The following HOOK3 variants were observed in gnomAD, a reference collection of about 807,000 sequenced individuals.
HOOK3 encodes hook microtubule tethering protein 3, also known as protein Hook homolog 3.
HOOK3 carries 24 observed loss-of-function variants against 116.3 expected under a neutral mutation model. The ratio of observed to expected loss-of-function variants is 0.21; its 90% CI spans 0.15 to 0.29. HOOK3 has a LOEUF of 0.29. Ranked by LOEUF, HOOK3 falls within the 10% of genes least tolerant of loss-of-function variation. The pLI, the probability that HOOK3 is intolerant of heterozygous loss-of-function variation, is 1.00. For missense variants in HOOK3, 632 were observed against 830.2 expected, an observed-to-expected ratio of 0.76 and a Z score of 2.93; for synonymous variants, 275 against 283.0, an observed-to-expected ratio of 0.97 and a Z score of 0.28.
rs1210803663 is a variant in HOOK3 at position 42,943,365 on chromosome 8, G to C, written c.320G>C (p.Gly107Ala). 6.4e-7 allele frequency: 1 copy of C among 1,565,684 alleles called. No individual in the cohort carries two copies. Among genetic ancestry groups the C allele is most frequent in the South Asian group, 1.2e-5 (1 of 80,126 alleles). The change falls in exon 5 of 22, where the codon GGG becomes GCG. Residue 107 changes from glycine (G) to alanine (A), a missense_variant. Gly to Ala is a moderately conservative substitution (Grantham distance 60, BLOSUM62 0). Coordinates refer to ENST00000307602, the MANE Select transcript of HOOK3 (RefSeq NM_032410.4). ...DFTLPDVNLIGEHSDAAELGR... is the reference protein window; with the variant it reads ...DFTLPDVNLIAEHSDAAELGR... ...ACCCTTCCTGATGTGAACCTTATTG[G>C]GGAGCATTCTGATGCAGCAGAGCTT... is the stretch of plus-strand genomic sequence containing the variant.
At chr8:42,903,270 C>T (rs762810456) in intron 1 of HOOK3, among the ~76,000 whole-genome samples, 1 of 151,822 alleles carries the variant, frequency 6.6e-6, no homozygotes, top group African/African-American at 2.4e-5. Flanking sequence ...CCACCATAAC[C>T]GTCTCTACCT....
chr8:42,978,235 T>C (rs1246201008), intron 13 of HOOK3, among the ~76,000 whole-genome samples: 1 of 152,200 alleles, frequency 6.6e-6, no homozygotes, highest in South Asian at 2.1e-4. Context: ...CTTAAGAAGA[T>C]ATCAGATAAC....
At chr8:42,937,179 G>A (rs1410014073) in intron 4 of HOOK3, among the ~76,000 whole-genome samples, 1 of 152,102 alleles carries the variant, frequency 6.6e-6, no homozygotes, top group Non-Finnish European at 1.5e-5. Context: ...TTGCATAGAG[G>A]TGTTTACAGT....
chr8:42,901,866 G>A (rs980670741), intron 1 of HOOK3, among the ~76,000 whole-genome samples: 3 of 151,914 alleles, frequency 2.0e-5, no homozygotes, highest in Admixed American at 6.6e-5. Context: ...GCACCACCAC[G>A]CCCGGCTAAT....
chr8:42,925,866 G>C (rs192173652), intron 3 of HOOK3, among the ~76,000 whole-genome samples: 134 of 152,288 alleles, frequency 8.8e-4, no homozygotes, highest in Admixed American at 1.6e-3. Context: ...CCACATCATA[G>C]CTCTGCCATT....
chr8:42,914,806 T>TA (rs1406855105), intron 2 of HOOK3, among the ~76,000 whole-genome samples: 2 of 152,210 alleles, frequency 1.3e-5, no homozygotes, highest in Admixed American at 6.5e-5. Flanking sequence ...AGCAAACTGT[T>TA]ACTTCTTTTA....
At chr8:43,010,647 G>C (rs557074228) in intron 19 of HOOK3, among the ~76,000 whole-genome samples, 1 of 152,204 alleles carries the variant, frequency 6.6e-6, no homozygotes, top group African/African-American at 2.4e-5. Flanking sequence ...AGTGGCACTT[G>C]CCACCTTATT....
chr8:43,008,155 A>G (rs1340787805), intron 18 of HOOK3, among the ~76,000 whole-genome samples: 1 of 151,668 alleles, frequency 6.6e-6, no homozygotes, highest in Non-Finnish European at 1.5e-5. Context: ...AGTAGCTGGG[A>G]CTACAGGTGC....
At position 43,028,593 on chromosome 8, in the gene HOOK3, C is replaced by G. The variant is rs1477517385; in HGVS notation, c.*10095C>G. 5.3e-6 allele frequency: 1 copy of G among 189,162 alleles called. No homozygotes were observed. Among genetic ancestry groups the G allele is most frequent in the Non-Finnish European group, 1.1e-5 (1 of 90,212 alleles). The allele number at this position is 189,162 out of a possible 1,614,324, so 11.7% of individuals were successfully genotyped here. A position where few individuals can be genotyped will look rare whatever the true frequency, so the allele number is the denominator to read the frequency against. On this transcript the variant is annotated 3_prime_UTR_variant, in exon 22 of 22. Coordinates refer to ENST00000307602, the MANE Select transcript of HOOK3 (RefSeq NM_032410.4). ...ACAATTTTTTTATCTTCATAACTTC[C>G]TGCTCTTATTAACTTGTATTATGAA...
intron 1 of HOOK3, 130 bp from the exon 2 acceptor site, chr8:42,906,043 G>C (rs1158148881): frequency 7.3e-6 from 5 of 684,960 alleles, no homozygotes; most frequent in Non-Finnish European, 1.3e-5. Context: ...GCCAAGATGG[G>C]GCCATTGCAC....
intron 18 of HOOK3, among the ~76,000 whole-genome samples, chr8:43,008,814 T>C (rs1809546605): frequency 6.7e-6 from 1 of 148,846 alleles, no homozygotes. Flanking sequence ...CGCCCGCCAC[T>C]ACGCCCGGCT....
intron 2 of HOOK3, among the ~76,000 whole-genome samples, chr8:42,921,238 C>T (rs1422290685): frequency 3.3e-5 from 5 of 151,718 alleles, no homozygotes; most frequent in South Asian, 4.2e-4. Context: ...ACTGACTTGC[C>T]GCTTGGGTGG....
At chr8:42,996,924 G>GTTT (rs1262763525) in intron 15 of HOOK3, among the ~76,000 whole-genome samples, 26 of 118,128 alleles carry the variant, frequency 2.2e-4, no homozygotes, top group Middle Eastern at 4.8e-3. Flanking sequence ...TTTTTTTTTG[G>GTTT]GAGGCAGGGT....
intron 4 of HOOK3, among the ~76,000 whole-genome samples, chr8:42,932,240 C>A (rs905553981): frequency 6.6e-6 from 1 of 152,040 alleles, no homozygotes; most frequent in Admixed American, 6.5e-5. Flanking sequence ...GTATTAGACA[C>A]GTTGACAAAA....
At chr8:42,950,297 A>T (rs1808315653) in intron 5 of HOOK3, 91 bp from the exon 6 acceptor site, 1 of 824,158 alleles carries the variant, frequency 1.2e-6, no homozygotes, top group East Asian at 2.5e-5. Context: ...ACACAGGGAA[A>T]TGACTTATAA....
chr8:42,905,007 A>G (rs77789375), intron 1 of HOOK3, among the ~76,000 whole-genome samples: 1,846 of 152,280 alleles, frequency 0.012, 40 homozygotes, highest in African/African-American at 0.04. Context: ...GCTCAGCTAC[A>G]TTTTCTTACT....
At chr8:42,996,932 G>A (rs1347390365) in intron 15 of HOOK3, among the ~76,000 whole-genome samples, 1 of 136,416 alleles carries the variant, frequency 7.3e-6, no homozygotes, top group Non-Finnish European at 1.5e-5. Flanking sequence ...TGGGAGGCAG[G>A]GTCTCACTGT....
At chr8:42,947,990 C>T (rs1238387213) in intron 5 of HOOK3, among the ~76,000 whole-genome samples, 1 of 152,068 alleles carries the variant, frequency 6.6e-6, no homozygotes, top group Non-Finnish European at 1.5e-5. Context: ...TTTGTCTTGG[C>T]TATCTTACTT....
At position 43,021,121 on chromosome 8, in the gene HOOK3, A is replaced by C. The variant is rs952536027; in HGVS notation, c.*2623A>C. The C allele has an allele frequency of 2.6e-5, 5 of 193,670 alleles. No individual in the cohort carries two copies. Among genetic ancestry groups the C allele is most frequent in the African/African-American group, 9.4e-5 (4 of 42,570 alleles). The allele number at this position is 193,670 out of a possible 1,614,324, so 12.0% of individuals were successfully genotyped here. On this transcript the variant is annotated 3_prime_UTR_variant, in exon 22 of 22. Transcript: ENST00000307602. ...TGTCGCAAGAAAAAAAAAAAAAAAAAAAAAAAAAAAAACAGTCTGTGAACT... is the reference window on the plus strand; with the variant it reads ...TGTCGCAAGAAAAAAAAAAAAAAAACAAAAAAAAAAAACAGTCTGTGAACT...
Sources: allele counts gnomAD v4.1 joint callset (sites outside exome capture counted in the v4.1 genomes callset), GRCh38; gene constraint gnomAD v4.1.1; transcripts MANE v1.5; gene names NCBI Gene and HGNC (gene_info 2026-07-23, HGNC 2026-07-21).